Variants in ABL1 observed in about 807,000 individuals in gnomAD.
The protein encoded by ABL1 is tyrosine-protein kinase ABL1.
A neutral mutation model predicts 94.7 loss-of-function variants in ABL1; 11 were observed. The ratio of observed to expected loss-of-function variants is 0.12; its 90% CI spans 0.07 to 0.19. The LOEUF (loss-of-function observed/expected upper bound fraction) is 0.19. Among genes scored for constraint, ABL1 ranks in the 10% least tolerant of loss-of-function variants. The pLI is 1.00. For missense variants in ABL1, 1,082 were observed against 1,489.4 expected (o/e 0.73, Z 4.50); for synonymous variants, 656 against 622.4 (o/e 1.05, Z -0.80).
chr9:130,863,633 C>G lies in ABL1; in HGVS notation c.822+598C>G, dbSNP rs35571987. ...TCTTTCTTGTTAACTGGGACTTTAC[C>G]CTCTCCACTAATGAATAGTGTTTGT... On this transcript the variant is annotated intron_variant, in intron 4 of 10. Coordinates refer to ENST00000318560, the MANE Select transcript of ABL1 (RefSeq NM_005157.6). This position sits in a 1 kb window ranked among gnomAD's most constrained non-coding sequence, Gnocchi z 4.3. Among the ~76,000 whole-genome samples, 1,668 of 152,230 alleles carry G rather than the reference C, an allele frequency of 0.011. 29 individuals are homozygous for G. The highest frequency in any genetic ancestry group is 0.037 in the African/African-American group (1,537 of 41,532).
At chr9:130,751,129 C>CTTTTT (rs60206110) in intron 1 of ABL1, among the ~76,000 whole-genome samples, 773 of 57,484 alleles carry the variant, frequency 0.013, 214 homozygotes, top group East Asian at 0.054. Flanking sequence ...TTTTATTCAG[C>CTTTTT]TTTTTTTTTT....
chr9:130,743,306 CAG>C (rs1831843095), intron 1 of ABL1, among the ~76,000 whole-genome samples: 1 of 152,200 alleles, frequency 6.6e-6, no homozygotes, highest in Admixed American at 6.5e-5. Context: ...CTCGTGACCT[CAG>C]GTGATCCACC....
At chr9:130,725,515 G>C (rs1476251757) in intron 1 of ABL1, among the ~76,000 whole-genome samples, 3 of 152,050 alleles carry the variant, frequency 2.0e-5, no homozygotes, top group Non-Finnish European at 2.9e-5. Context: ...CAAGTAGCTG[G>C]GATTACAGGC....
intron 1 of ABL1, among the ~76,000 whole-genome samples, chr9:130,768,204 CT>C (rs904668851): frequency 5.3e-5 from 8 of 152,174 alleles, no homozygotes; most frequent in Admixed American, 3.3e-4. Context: ...CTTGCAGCCT[CT>C]GCTTTTTCTG....
intron 1 of ABL1, among the ~76,000 whole-genome samples, chr9:130,750,644 C>CTTTTTTTTTTTTTTTT (rs71389345): frequency 5.7e-5 from 5 of 87,284 alleles, no homozygotes; most frequent in East Asian, 3.6e-4. Flanking sequence ...CTTTTTCTTT[C>CTTTTTTTTTTTTTTTT]TTTTTTTTTT....
chr9:130,854,326 G>A (rs1010129946), intron 2 of ABL1, 89 bp downstream of exon 2: 3 of 1,448,568 alleles, frequency 2.1e-6, no homozygotes, highest in Admixed American at 2.1e-5. Flanking sequence ...CTCGTTAAAG[G>A]AGCAGCTTTG....
At chr9:130,859,241 TAGAGTCTTTCCTTTTCTTGAAAG>T in intron 3 of ABL1, among the ~76,000 whole-genome samples, 1 of 152,370 alleles carries the variant, frequency 6.6e-6, no homozygotes, top group African/African-American at 2.4e-5. Flanking sequence ...TAGTCCTTAA[TAGAGTCTTTCCTTTTCTTGAAAG>T]AAATTTGCCC....
Position 130,813,490 on chromosome 9 carries a change from G to A in ABL1, c.137-40574G>A, listed in dbSNP as rs11244153. Among the ~76,000 whole-genome samples, 609 of 150,176 alleles carry A rather than the reference G, an allele frequency of 4.1e-3. 23 individuals carry two copies. The East Asian group carries it at 0.11, about 26-fold the overall frequency. On this transcript the variant is annotated intron_variant, in intron 1 of 10. Coordinates refer to the ABL1 transcript ENST00000372348. ...GCAGGAGAATCACTTGAACCCGGGA[G>A]GATGAGGTTGCAGTGAGCCGAGATG...
chr9:130,755,938 A>G (rs1832036329), intron 1 of ABL1, among the ~76,000 whole-genome samples: 1 of 152,188 alleles, frequency 6.6e-6, no homozygotes, highest in Non-Finnish European at 1.5e-5. Context: ...CAGCAGCAGC[A>G]CTCTGTAATA....
intron 3 of ABL1, among the ~76,000 whole-genome samples, chr9:130,855,328 GT>G (rs753976668): frequency 6.6e-6 from 1 of 152,084 alleles, no homozygotes; most frequent in Non-Finnish European, 1.5e-5. Flanking sequence ...CTAGAGTTTT[GT>G]TGTTAGCAAG....
chr9:130,808,565 G>GGGTGGGCAGGTAGGTA (rs1405933789), intron 1 of ABL1, among the ~76,000 whole-genome samples: 2 of 152,052 alleles, frequency 1.3e-5, no homozygotes, highest in Non-Finnish European at 1.5e-5. Context: ...ATTTCAAGAT[G>GGGTGGGCAGGTAGGTA]GGTGGGCAGG....
At chr9:130,754,401 G>T (rs1278663648) in intron 1 of ABL1, among the ~76,000 whole-genome samples, 1 of 151,098 alleles carries the variant, frequency 6.6e-6, no homozygotes, top group South Asian at 2.1e-4. Flanking sequence ...CCAGCTACTC[G>T]GGAGGCTGAG....
intron 1 of ABL1, among the ~76,000 whole-genome samples, chr9:130,719,807 G>C (rs1831493180): frequency 1.3e-5 from 2 of 152,172 alleles, no homozygotes; most frequent in Admixed American, 1.3e-4. Context: ...TGTTGGAGCA[G>C]ACATGGATCT....
At chr9:130,806,760 G>T (rs907641647) in intron 1 of ABL1, among the ~76,000 whole-genome samples, 7 of 151,998 alleles carry the variant, frequency 4.6e-5, no homozygotes, top group Non-Finnish European at 1.0e-4. Context: ...ACTGTGTAAA[G>T]TATTCTGGAC....
At chr9:130,747,378 A>C (rs567152303) in intron 1 of ABL1, among the ~76,000 whole-genome samples, 182 of 151,416 alleles carry the variant, frequency 1.2e-3, no homozygotes, top group Non-Finnish European at 2.1e-3. Flanking sequence ...CCTGTCTCAA[A>C]AAACCAAAAC....
Position 130,744,171 on chromosome 9 carries a change from C to T in ABL1, c.136+29716C>T, listed in dbSNP as rs537359582. 2.0e-5 allele frequency among the ~76,000 whole-genome samples: 3 copies of T among 151,630 alleles called. No individual in the cohort carries two copies. The South Asian group carries it at 6.3e-4, about 32-fold the overall frequency. On this transcript the variant is annotated intron_variant, in intron 1 of 10. Transcript: ENST00000372348. ...TTTCTTTTTTTCCCTGAGACGGACT[C>T]GCTCTCTTTCGCTAGGCTGGGGTGC...
intron 3 of ABL1, among the ~76,000 whole-genome samples, chr9:130,860,698 G>A (rs1429418537): frequency 6.6e-6 from 1 of 152,234 alleles, no homozygotes; most frequent in African/African-American, 2.4e-5. Flanking sequence ...TGCTCTGATT[G>A]CAGGAATGTC....
intron 4 of ABL1, among the ~76,000 whole-genome samples, chr9:130,871,654 T>C (rs1232451713): frequency 6.6e-6 from 1 of 152,266 alleles, no homozygotes; most frequent in Non-Finnish European, 1.5e-5. Flanking sequence ...GCAATACCTC[T>C]TTCTTGTCAT....
chr9:130,754,493 G>A, intron 1 of ABL1, among the ~76,000 whole-genome samples: 1 of 124,374 alleles, frequency 8.0e-6, no homozygotes, highest in African/African-American at 3.4e-5. Context: ...GGGCGACAGA[G>A]CGAGACTCCG....
Sources: allele counts gnomAD v4.1 joint callset (sites outside exome capture counted in the v4.1 genomes callset), GRCh38; gene constraint gnomAD v4.1.1; non-coding constraint Gnocchi (gnomAD v3.1); transcripts MANE v1.5; gene names NCBI Gene and HGNC (gene_info 2026-07-23, HGNC 2026-07-21).